HLA-DPA1: variants seen among roughly 807,000 people sequenced by gnomAD.
HLA-DPA1 encodes major histocompatibility complex, class II, DP alpha 1, also known as HLA class II histocompatibility antigen, DP alpha 1 chain.
A neutral mutation model predicts 21.5 loss-of-function variants in HLA-DPA1; 20 were observed. The ratio of observed to expected loss-of-function variants is 0.93; its 90% CI spans 0.66 to 1.35. The LOEUF is 1.35. Among genes scored for constraint, HLA-DPA1 ranks in the 40% most tolerant of loss-of-function variants. The pLI is 0.00. For synonymous variants in HLA-DPA1, 123 were observed against 129.6 expected (o/e 0.95, Z 0.35); for missense variants, 279 against 323.0 (o/e 0.86, Z 1.05).
At chr6:33,073,071 G>T (rs1001455743) in intron 2 of HLA-DPA1, among the ~76,000 whole-genome samples, 2 of 152,242 alleles carry the variant, frequency 1.3e-5, no homozygotes, top group African/African-American at 4.8e-5. Flanking sequence ...GTAGGTCACT[G>T]TGTGCAGGAA....
intron 2 of HLA-DPA1, among the ~76,000 whole-genome samples, chr6:33,070,195 A>C (rs1390173297): frequency 6.6e-6 from 1 of 152,316 alleles, no homozygotes; most frequent in East Asian, 1.9e-4. Context: ...AATGACAGCT[A>C]ACATTTGTTG....
chr6:33,072,425 C>T (rs1427066198), intron 2 of HLA-DPA1, among the ~76,000 whole-genome samples: 1 of 152,174 alleles, frequency 6.6e-6, no homozygotes, highest in African/African-American at 2.4e-5. Context: ...CAGGGAAGCC[C>T]TGAAGAGACA....
At chr6:33,072,446 T>C (rs1216872474) in intron 2 of HLA-DPA1, among the ~76,000 whole-genome samples, 1 of 152,212 alleles carries the variant, frequency 6.6e-6, no homozygotes, top group Non-Finnish European at 1.5e-5. Flanking sequence ...GCTGAGCTCA[T>C]TAGGAATTTC....
intron 1 of HLA-DPA1, chr6:33,076,231 G>GAGCCCCCGCAGCCTGTCT: frequency 1.2e-6 from 1 of 849,342 alleles, no homozygotes; most frequent in Non-Finnish European, 1.9e-6. Context: ...TCTGAGACAG[G>GAGCCCCCGCAGCCTGTCT]CTGCGGGGGC....
At chr6:33,071,250 C>A (rs1270291038) in intron 2 of HLA-DPA1, among the ~76,000 whole-genome samples, 1 of 152,054 alleles carries the variant, frequency 6.6e-6, no homozygotes, top group Admixed American at 6.5e-5. Context: ...CAGTAAGTGG[C>A]CAAGCAAAGA....
At position 33,068,630 on chromosome 6, in the gene HLA-DPA1, A is replaced by G; in HGVS notation, c.*12+8T>C. On this transcript the variant is annotated splice_region_variant and intron_variant, in intron 5 of 5. Transcript: ENST00000419277. ...ACAAATCCTAGGGCCTCCTCTTTAC[A>G]TTCCCACCTTTACAGTATTTCACAG... 6.3e-7 allele frequency: 1 copy of G among 1,597,102 alleles called. No individual in the cohort carries two copies. The highest frequency in any genetic ancestry group is 8.5e-7 in the Non-Finnish European group (1 of 1,171,848).
intron 2 of HLA-DPA1, 39 bp from the exon 2 acceptor site, chr6:33,069,925 A>G: frequency 1.9e-6 from 3 of 1,583,128 alleles, no homozygotes; most frequent in Non-Finnish European, 2.6e-6. Flanking sequence ...ACAAAATGTC[A>G]GTTTGAATAT....
intron 5 of HLA-DPA1, chr6:33,067,349 T>G (rs1425496358): frequency 6.8e-6 from 1 of 147,360 alleles, no homozygotes; most frequent in Non-Finnish European, 1.5e-5. Flanking sequence ...CTCACTCTAT[T>G]AGTGCACATG....
At position 33,080,615 on chromosome 6, in the gene HLA-DPA1, G is replaced by T; in HGVS notation, c.-100+65C>A. 6.2e-7 allele frequency: 1 copy of T among 1,606,448 alleles called. No homozygotes were observed. The highest frequency in any genetic ancestry group is 1.1e-5 in the South Asian group (1 of 90,944). Reference sequence around the variant, plus strand: ...AATCGTTAATATTGAGAGAGAGAGGGAGAAAGAGGATTAGATGAGAGTGGC... The same window carrying T: ...AATCGTTAATATTGAGAGAGAGAGGTAGAAAGAGGATTAGATGAGAGTGGC... On this transcript the variant is annotated intron_variant, in intron 1 of 5. Transcript: ENST00000419277. The surrounding 1 kb of genome is among the most constrained non-coding windows in gnomAD (Gnocchi z 4.3).
At position 33,075,399 on chromosome 6, in the gene HLA-DPA1, C is replaced by T. The variant is rs149449679; in HGVS notation, c.-99-1730G>A. Among the ~76,000 whole-genome samples the T allele has an allele frequency of 3.5e-3, 529 of 152,250 alleles. 3 individuals carry two copies. Among genetic ancestry groups the T allele is most frequent in the East Asian group, 0.025 (132 of 5,182 alleles). On this transcript the variant is annotated intron_variant, in intron 1 of 5. Coordinates refer to ENST00000419277, the Ensembl canonical transcript of HLA-DPA1. ...AGGTCCCTAGACTGAGCCCTCCTGA[C>T]CCTGATGACAGTCCTGTGGAAGAAC...
rs566646806 is a variant in HLA-DPA1 at position 33,071,423 on chromosome 6, A to G, written c.101-1537T>C. ...TATTGGAAACTCATCTTCTTAATAC[A>G]TGAATGTCCCTTGTACTTTTTAAAA... On this transcript the variant is annotated intron_variant, in intron 2 of 5. Coordinates refer to ENST00000419277, the Ensembl canonical transcript of HLA-DPA1. Among the ~76,000 whole-genome samples the G allele has an allele frequency of 3.5e-3, 527 of 152,296 alleles. 3 individuals are homozygous for G. Among genetic ancestry groups the G allele is most frequent in the East Asian group, 0.025 (130 of 5,184 alleles).
At chr6:33,069,525 A>G in intron 3 of HLA-DPA1, 116 bp downstream of exon 2, 1 of 1,314,474 alleles carries the variant, frequency 7.6e-7, no homozygotes, top group Non-Finnish European at 1.1e-6. Context: ...CATGGCCACT[A>G]GGGGAAGAGG....
At chr6:33,069,585 G>C in intron 3 of HLA-DPA1, 56 bp downstream of exon 2, 1 of 1,596,716 alleles carries the variant, frequency 6.3e-7, no homozygotes, top group Non-Finnish European at 8.6e-7. Context: ...GTGGCAGAGA[G>C]GCCCTCTCAT....
exon 5 of HLA-DPA1, chr6:33,068,662 C>A: frequency 6.2e-7 from 1 of 1,612,550 alleles, no homozygotes; most frequent in African/African-American, 1.3e-5. Flanking sequence ...ACAGGGTCCC[C>A]TGGGCCCGGG....
chr6:33,071,327 A>G (rs970541638), intron 2 of HLA-DPA1, among the ~76,000 whole-genome samples: 4 of 152,244 alleles, frequency 2.6e-5, no homozygotes, highest in Non-Finnish European at 5.9e-5. Flanking sequence ...CTTGCTCCTC[A>G]GTTTAAAGGA....
chr6:33,069,244 T>G, exon 4 of HLA-DPA1: 1 of 1,612,856 alleles, frequency 6.2e-7, no homozygotes, highest in Admixed American at 1.7e-5. Flanking sequence ...CAGATGAGGG[T>G]GTTGGGCTGG....
Position 33,068,625 on chromosome 6 carries a change from T to TG in HLA-DPA1, c.*12+12_*12+13insC, listed in dbSNP as rs746123315. 6.3e-6 allele frequency: 10 copies of TG among 1,593,092 alleles called. 1 individual carries two copies. Among genetic ancestry groups the TG allele is most frequent in the Non-Finnish European group, 8.6e-6 (10 of 1,169,034 alleles). On this transcript the variant is annotated intron_variant, in intron 5 of 5. Coordinates refer to ENST00000419277, the Ensembl canonical transcript of HLA-DPA1. The stretch of plus-strand genomic sequence containing the variant: ...ATTCTACAAATCCTAGGGCCTCCTC[T>TG]TTACATTCCCACCTTTACAGTATTT...
rs1554185506 is a variant in HLA-DPA1 at position 33,080,690 on chromosome 6, G to GCAGGAATGCTACGCGTT, written c.-111_-110insAACGCGTAGCATTCCTG. Reference sequence around the variant, plus strand: ...CCCGCAGAGAATTACCTTTTCCAGGGACGGCAGGAATGCTACGCGTTTAAT... The same window carrying GCAGGAATGCTACGCGTT: ...CCCGCAGAGAATTACCTTTTCCAGGGCAGGAATGCTACGCGTTACGGCAGGAATGCTACGCGTTTAAT... On this transcript the variant is annotated 5_prime_UTR_variant, in exon 1 of 6. Transcript: ENST00000419277. This position sits in a 1 kb window ranked among gnomAD's most constrained non-coding sequence, Gnocchi z 4.3. 1.2e-6 allele frequency: 2 copies of GCAGGAATGCTACGCGTT among 1,611,564 alleles called. No homozygotes were observed. Among genetic ancestry groups the GCAGGAATGCTACGCGTT allele is most frequent in the Non-Finnish European group, 1.7e-6 (2 of 1,178,600 alleles).
At chr6:33,068,793 G>A (rs774585626) in exon 5 of HLA-DPA1, 2 of 1,613,002 alleles carry the variant, frequency 1.2e-6, no homozygotes, top group Admixed American at 3.3e-5. Context: ...ATCTGGATTG[G>A]CTCTTGGGCC....
Sources: allele counts gnomAD v4.1 joint callset (sites outside exome capture counted in the v4.1 genomes callset), GRCh38; gene constraint gnomAD v4.1.1; non-coding constraint Gnocchi (gnomAD v3.1); transcripts MANE v1.5; gene names NCBI Gene and HGNC (gene_info 2026-07-23, HGNC 2026-07-21).